KIAA0319: variants seen among roughly 807,000 people sequenced by gnomAD.
KIAA0319 encodes dyslexia-associated protein KIAA0319.
In KIAA0319, 83 loss-of-function variants were observed where a neutral mutation model predicts 108.4. The observed-to-expected ratio is 0.77, with a 90% CI of 0.64 to 0.92. The LOEUF (loss-of-function observed/expected upper bound fraction) is 0.92. Ranked by LOEUF, KIAA0319 falls within the 40% of genes least tolerant of loss-of-function variation. The probability of loss-of-function intolerance (pLI) is 0.00; values close to 1 mark genes in which losing one functional copy is unlikely to be tolerated. For synonymous variants in KIAA0319, 484 were observed against 510.4 expected, an observed-to-expected ratio of 0.95 and a Z score of 0.70; for missense variants, 1,195 against 1,322.4, an observed-to-expected ratio of 0.90 and a Z score of 1.49.
intron 17 of KIAA0319, among the ~76,000 whole-genome samples, chr6:24,557,375 C>T (rs1036726661): frequency 2.9e-4 from 44 of 151,172 alleles, no homozygotes; most frequent in Admixed American, 7.3e-4. Context: ...TGATGGTGTG[C>T]GCCTGTAATG....
intron 1 of KIAA0319, among the ~76,000 whole-genome samples, chr6:24,627,427 G>A (rs544114620): frequency 6.6e-6 from 1 of 151,988 alleles, no homozygotes; most frequent in East Asian, 1.9e-4. Context: ...AAGGTGATTA[G>A]GTCTTAGTGA....
At chr6:24,624,664 C>G (rs2127576267) in intron 1 of KIAA0319, among the ~76,000 whole-genome samples, 1 of 152,258 alleles carries the variant, frequency 6.6e-6, no homozygotes, top group African/African-American at 2.4e-5. Flanking sequence ...TAGCCCCTAC[C>G]CTCATCTCCT....
At chr6:24,636,859 T>C (rs2223590) in intron 1 of KIAA0319, among the ~76,000 whole-genome samples, 106,952 of 151,814 alleles carry the variant, frequency 0.7, 38,260 homozygotes, top group East Asian at 0.87. Flanking sequence ...AGAGAACAGA[T>C]AATAAACAGC....
At chr6:24,607,533 T>C (rs1170288469) in intron 1 of KIAA0319, among the ~76,000 whole-genome samples, 3 of 151,918 alleles carry the variant, frequency 2.0e-5, no homozygotes, top group Non-Finnish European at 4.4e-5. Flanking sequence ...ACAATGCAAA[T>C]ACTATAAAGC....
rs775027808 is a variant in KIAA0319, at chr6:24,545,628, T to C, written c.*1537A>G. 6.6e-6 allele frequency: 1 copy of C among 152,192 alleles called. No homozygotes were observed. The highest frequency in any genetic ancestry group is 1.5e-5 in the Non-Finnish European group (1 of 68,032). The allele number at this position is 152,192 out of a possible 1,614,324, so 9.4% of individuals were successfully genotyped here. Reference sequence around the variant, plus strand: ...ATAAGCAAAGCAATTATTTTAAAAATAAAATGACACACTTTTTAGTTCTGC... The same window carrying C: ...ATAAGCAAAGCAATTATTTTAAAAACAAAATGACACACTTTTTAGTTCTGC... On this transcript the variant is annotated 3_prime_UTR_variant, in exon 21 of 21. Coordinates refer to ENST00000378214, the MANE Select transcript of KIAA0319 (RefSeq NM_014809.4).
chr6:24,556,022 T>C (rs1344050310), intron 18 of KIAA0319, among the ~76,000 whole-genome samples: 4 of 152,216 alleles, frequency 2.6e-5, no homozygotes, highest in South Asian at 2.1e-4. Flanking sequence ...ACAAAGTAGA[T>C]TGTAAGAAGG....
At chr6:24,586,359 T>C (rs1016837074) in intron 4 of KIAA0319, among the ~76,000 whole-genome samples, 3 of 152,180 alleles carry the variant, frequency 2.0e-5, no homozygotes, top group Non-Finnish European at 4.4e-5. Flanking sequence ...CAAGAGGAGC[T>C]CTGAAAACAG....
chr6:24,630,355 A>G (rs1249995036), intron 1 of KIAA0319, among the ~76,000 whole-genome samples: 1 of 151,144 alleles, frequency 6.6e-6, no homozygotes, highest in African/African-American at 2.4e-5. Context: ...TTAAAAATAA[A>G]AAAATTAGCC....
intron 18 of KIAA0319, among the ~76,000 whole-genome samples, chr6:24,555,686 T>TAGTAGA (rs144434081): frequency 0.29 from 44,361 of 151,692 alleles, 7,762 homozygotes; most frequent in African/African-American, 0.49. Flanking sequence ...CAAATTTACT[T>TAGTAGA]AGTAGACTGC....
At chr6:24,571,481 AG>A (rs1338537937) in intron 11 of KIAA0319, among the ~76,000 whole-genome samples, 14 of 152,100 alleles carry the variant, frequency 9.2e-5, no homozygotes, top group Non-Finnish European at 1.9e-4. Context: ...ACTACAAAAT[AG>A]GGGTTTCCCT....
intron 6 of KIAA0319, 97 bp from the exon 7 acceptor site, chr6:24,581,110 A>G: frequency 2.6e-6 from 2 of 755,990 alleles, no homozygotes. Context: ...GCACTCCTAA[A>G]GTCAGCATAG....
At chr6:24,608,257 C>A (rs948861484) in intron 1 of KIAA0319, among the ~76,000 whole-genome samples, 4 of 151,732 alleles carry the variant, frequency 2.6e-5, no homozygotes, top group African/African-American at 9.7e-5. Context: ...CACAAAAAAA[C>A]CTTAAATAGA....
chr6:24,629,523 A>AAAAAAAAAAAAAAAAAAAAAAG (rs1472154248), intron 1 of KIAA0319, among the ~76,000 whole-genome samples: 4 of 147,770 alleles, frequency 2.7e-5, no homozygotes, highest in Non-Finnish European at 6.0e-5. Context: ...TCAAAAAAAA[A>AAAAAAAAAAAAAAAAAAAAAAG]AAAAAAAAGA....
intron 2 of KIAA0319, among the ~76,000 whole-genome samples, chr6:24,597,213 T>C (rs939039518): frequency 2.0e-5 from 3 of 152,266 alleles, no homozygotes; most frequent in Non-Finnish European, 4.4e-5. Context: ...AATTCAATTA[T>C]ACAGGTTTAC....
At chr6:24,587,431 C>T (rs552822803) in intron 4 of KIAA0319, among the ~76,000 whole-genome samples, 2 of 152,118 alleles carry the variant, frequency 1.3e-5, no homozygotes, top group African/African-American at 4.8e-5. Flanking sequence ...CAGGCGCCCA[C>T]CACCACGTCT....
At chr6:24,598,405 C>T (rs1770079334) in intron 2 of KIAA0319, 25 of 604,462 alleles carry the variant, frequency 4.1e-5, no homozygotes, top group South Asian at 3.5e-4. Flanking sequence ...CAACTGGAGC[C>T]TCCTGCAGCA....
At position 24,558,373 on chromosome 6, in the gene KIAA0319, A is replaced by C. The variant is rs200809216; in HGVS notation, c.2734+640T>G. Among the ~76,000 whole-genome samples the C allele has an allele frequency of 3.5e-3, 166 of 47,178 alleles. 1 individual carries two copies. The highest frequency in any genetic ancestry group is 0.011 in the Non-Finnish European group (126 of 11,792). 31.0% of individuals were successfully genotyped at this position (47,178 alleles called of 152,430 possible). A position where few individuals can be genotyped will look rare whatever the true frequency, so the allele number is the denominator to read the frequency against. On this transcript the variant is annotated intron_variant, in intron 17 of 20. Coordinates refer to ENST00000378214, the MANE Select transcript of KIAA0319 (RefSeq NM_014809.4). ...GATGGATATATATATATCTAGATAG[A>C]TAGATAGATAGATAGATAGATAGAT...
At chr6:24,624,012 G>C (rs377606214) in intron 1 of KIAA0319, among the ~76,000 whole-genome samples, 4 of 53,236 alleles carry the variant, frequency 7.5e-5, no homozygotes, top group African/African-American at 2.2e-4. Flanking sequence ...GAATTTCTTT[G>C]TTTTCTTTTT....
intron 3 of KIAA0319, among the ~76,000 whole-genome samples, chr6:24,592,563 G>C (rs1037125199): frequency 5.3e-5 from 8 of 152,120 alleles, no homozygotes; most frequent in Non-Finnish European, 7.4e-5. Context: ...AGTGTATTGG[G>C]CTTGAGCAAA....
Sources: gnomAD v4.1 joint callset for allele counts (sites outside exome capture counted in the v4.1 genomes callset) on GRCh38, gnomAD v4.1.1 for gene constraint, MANE v1.5 for transcripts, NCBI Gene and HGNC (gene_info 2026-07-23, HGNC 2026-07-21) for gene names.